The following FAM110B variants were observed in gnomAD, a reference collection of about 807,000 sequenced individuals.
FAM110B encodes the protein protein FAM110B.
FAM110B carries 6 observed loss-of-function variants against 20.4 expected under a neutral mutation model. That is an observed-to-expected ratio of 0.29 (90% confidence interval 0.16 to 0.58). FAM110B has a LOEUF of 0.58. FAM110B is among the 20% of genes least tolerant of loss of function. The pLI, the probability that FAM110B is intolerant of heterozygous loss-of-function variation, is 0.90. For synonymous variants in FAM110B, 226 were observed against 214.1 expected, an observed-to-expected ratio of 1.06 and a Z score of -0.49; for missense variants, 434 against 498.2, an observed-to-expected ratio of 0.87 and a Z score of 1.23.
chr8:58,068,696 T>A (rs1256989709), intron 2 of FAM110B, among the ~76,000 whole-genome samples: 1 of 152,062 alleles, frequency 6.6e-6, no homozygotes, highest in Non-Finnish European at 1.5e-5. Context: ...GTAGGAAATA[T>A]GAAAAAAACC....
chr8:58,018,302 T>C (rs779324649), intron 1 of FAM110B, among the ~76,000 whole-genome samples: 50 of 152,184 alleles, frequency 3.3e-4, no homozygotes, highest in Non-Finnish European at 5.6e-4. Flanking sequence ...TTTAGAACTC[T>C]CAGGTCTTTA....
chr8:58,105,855 C>G (rs1274309627), intron 3 of FAM110B, among the ~76,000 whole-genome samples: 1 of 152,088 alleles, frequency 6.6e-6, no homozygotes, highest in Non-Finnish European at 1.5e-5. Flanking sequence ...CAGGCATGAG[C>G]CACTGCACCC....
chr8:58,014,293 A>G (rs1804596384), intron 1 of FAM110B, among the ~76,000 whole-genome samples: 1 of 152,064 alleles, frequency 6.6e-6, no homozygotes. Flanking sequence ...GGAACCCTGG[A>G]TCTGGGTCAG....
intron 3 of FAM110B, among the ~76,000 whole-genome samples, chr8:58,084,810 T>A (rs2150599501): frequency 6.6e-6 from 1 of 152,302 alleles, no homozygotes; most frequent in East Asian, 1.9e-4. Flanking sequence ...ATGGGGATTA[T>A]GTCCCTAGAG....
At chr8:58,071,248 T>A (rs528336840) in intron 2 of FAM110B, among the ~76,000 whole-genome samples, 185 of 152,328 alleles carry the variant, frequency 1.2e-3, no homozygotes, top group South Asian at 3.7e-3. Context: ...AGCATGAGTT[T>A]TTCCTTCTCA....
chr8:58,055,411 A>C (rs1805527036), intron 2 of FAM110B, among the ~76,000 whole-genome samples: 1 of 151,946 alleles, frequency 6.6e-6, no homozygotes, highest in Non-Finnish European at 1.5e-5. Context: ...TGTCTTTTCT[A>C]TTTGGGGTTA....
chr8:58,076,708 G>C (rs1266339485), intron 3 of FAM110B, among the ~76,000 whole-genome samples: 1 of 152,110 alleles, frequency 6.6e-6, no homozygotes, highest in African/African-American at 2.4e-5. Context: ...GGAAAATAAA[G>C]AAGCTCTCCA....
chr8:58,067,411 C>T (rs981826477), intron 2 of FAM110B, among the ~76,000 whole-genome samples: 2 of 152,202 alleles, frequency 1.3e-5, no homozygotes, highest in African/African-American at 4.8e-5. Context: ...CCTCAGGGAG[C>T]TTGAGCCAAA....
chr8:58,144,933 T>C, intron 3 of FAM110B, among the ~76,000 whole-genome samples: 1 of 152,216 alleles, frequency 6.6e-6, no homozygotes, highest in Non-Finnish European at 1.5e-5. Context: ...GGTTTTATTG[T>C]TGTTGTTGGC....
chr8:58,089,928 C>T (rs1023378192), intron 3 of FAM110B, among the ~76,000 whole-genome samples: 14 of 152,184 alleles, frequency 9.2e-5, no homozygotes, highest in Non-Finnish European at 2.1e-4. Flanking sequence ...TAGCAGGATT[C>T]AGTAGCAGAC....
chr8:58,080,078 T>C (rs992979012), intron 3 of FAM110B, among the ~76,000 whole-genome samples: 3 of 152,134 alleles, frequency 2.0e-5, no homozygotes, highest in African/African-American at 7.2e-5. Flanking sequence ...ATATATGTAA[T>C]ATGGGTATCA....
intron 3 of FAM110B, among the ~76,000 whole-genome samples, chr8:58,107,658 A>C (rs959316477): frequency 6.6e-6 from 1 of 152,252 alleles, no homozygotes; most frequent in Non-Finnish European, 1.5e-5. Context: ...TGTATAATGC[A>C]TAATAATAAG....
intron 3 of FAM110B, among the ~76,000 whole-genome samples, chr8:58,142,554 A>T (rs1399875189): frequency 8.0e-6 from 1 of 124,270 alleles, no homozygotes; most frequent in Admixed American, 8.7e-5. Flanking sequence ...CCCCACCCCG[A>T]CCCCTGCCAC....
intron 1 of FAM110B, among the ~76,000 whole-genome samples, chr8:58,006,923 A>ATATATATATATTTTTT: frequency 7.9e-6 from 1 of 126,534 alleles, no homozygotes; most frequent in African/African-American, 3.0e-5. Context: ...ATATATATAT[A>ATATATATATATTTTTT]TTTTTCCAAA....
chr8:58,125,808 G>C (rs16918704), intron 3 of FAM110B, among the ~76,000 whole-genome samples: 56,853 of 152,024 alleles, frequency 0.37, 14,397 homozygotes, highest in African/African-American at 0.73. Flanking sequence ...ATGGATCTCT[G>C]TCTCTTCCCC....
chr8:58,024,231 A>T (rs1448550581), intron 1 of FAM110B, among the ~76,000 whole-genome samples: 1 of 150,220 alleles, frequency 6.7e-6, no homozygotes, highest in Non-Finnish European at 1.5e-5. Flanking sequence ...ACTCGGTCCA[A>T]ATAAAAATAA....
intron 3 of FAM110B, among the ~76,000 whole-genome samples, chr8:58,103,241 A>G (rs1806827776): frequency 6.6e-6 from 1 of 151,986 alleles, no homozygotes. Context: ...TTACATATGT[A>G]TACATGTGCC....
chr8:58,143,056 C>CA (rs1803776917), intron 3 of FAM110B, among the ~76,000 whole-genome samples: 1 of 152,226 alleles, frequency 6.6e-6, no homozygotes, highest in African/African-American at 2.4e-5. Context: ...CTACAAAACT[C>CA]AGAGTATTTC....
chr8:58,018,674 A>G (rs144389999), intron 1 of FAM110B, among the ~76,000 whole-genome samples: 1 of 151,958 alleles, frequency 6.6e-6, no homozygotes, highest in African/African-American at 2.4e-5. Context: ...TTTGTATTCT[A>G]TTTGTTTGAT....
Sources: gnomAD v4.1 joint callset for allele counts (sites outside exome capture counted in the v4.1 genomes callset) on GRCh38, gnomAD v4.1.1 for gene constraint, MANE v1.5 for transcripts, NCBI Gene and HGNC (gene_info 2026-07-23, HGNC 2026-07-21) for gene names.